USP40: variants seen among roughly 807,000 people sequenced by gnomAD.
USP40 encodes the protein ubiquitin carboxyl-terminal hydrolase 40.
USP40 carries 143 observed loss-of-function variants against 166.2 expected under a neutral mutation model. The observed-to-expected ratio is 0.86, with a 90% CI of 0.75 to 0.99. The LOEUF (loss-of-function observed/expected upper bound fraction) is 0.99, where lower values mean the gene tolerates loss of function less well. Ranked by LOEUF, USP40 falls within the 50% of genes least tolerant of loss-of-function variation. The pLI is 0.00. For missense variants in USP40, 1,444 were observed against 1,479.7 expected (o/e 0.98, Z 0.40); for synonymous variants, 498 against 524.0 (o/e 0.95, Z 0.68).
At chr2:233,498,228 A>G (rs182003105) in intron 23 of USP40, among the ~76,000 whole-genome samples, 1 of 152,136 alleles carries the variant, frequency 6.6e-6, no homozygotes, top group African/African-American at 2.4e-5. Context: ...AAAACTTCAG[A>G]GTGTATCTAT....
chr2:233,530,282 A>G (rs1186749951), intron 11 of USP40, among the ~76,000 whole-genome samples: 4 of 151,968 alleles, frequency 2.6e-5, no homozygotes, highest in Non-Finnish European at 1.5e-5. Context: ...TATTCAACAA[A>G]TCTATTTTCA....
rs1384188165 is a variant in USP40, at chr2:233,486,597, C to T, written c.3198-620G>A. Among the ~76,000 whole-genome samples, 2 of 152,158 alleles carry T rather than the reference C, an allele frequency of 1.3e-5. No homozygotes were observed. The highest frequency in any genetic ancestry group is 4.8e-5 in the African/African-American group (2 of 41,432). On this transcript the variant is annotated intron_variant, in intron 28 of 31. Coordinates refer to ENST00000678225, the MANE Select transcript of USP40 (RefSeq NM_001365479.2). This position sits in a 1 kb window ranked among gnomAD's most constrained non-coding sequence, Gnocchi z 4.0. Reference sequence around the variant, plus strand: ...ATGGAGGAAAAGCTATAGATAAGAACTGGAAGGCAGCAAGGGGAAATGAAG... The same window carrying T: ...ATGGAGGAAAAGCTATAGATAAGAATTGGAAGGCAGCAAGGGGAAATGAAG...
At chr2:233,559,003 C>A (rs975865980) in intron 4 of USP40, among the ~76,000 whole-genome samples, 1 of 152,194 alleles carries the variant, frequency 6.6e-6, no homozygotes, top group Non-Finnish European at 1.5e-5. Flanking sequence ...GGCAATATAA[C>A]AGTATTCCTA....
chr2:233,527,689 T>A (rs1214195615), intron 12 of USP40, 111 bp from the exon 13 acceptor site: 1 of 1,014,488 alleles, frequency 9.9e-7, no homozygotes, highest in Non-Finnish European at 1.4e-6. Flanking sequence ...CCCACCAAAG[T>A]AACAATTTTT....
At chr2:233,560,324 T>G (rs942657000) in intron 3 of USP40, among the ~76,000 whole-genome samples, 7 of 152,210 alleles carry the variant, frequency 4.6e-5, no homozygotes, top group Admixed American at 3.9e-4. Context: ...TCTGGAGTTC[T>G]CAGCACACCC....
At chr2:233,481,483 G>A (rs2064586894) in intron 30 of USP40, 186 bp from the exon 31 acceptor site, 2 of 598,576 alleles carry the variant, frequency 3.3e-6, no homozygotes, top group African/African-American at 3.7e-5. Context: ...GTGGCAAGAA[G>A]AGCTCCACAA....
At chr2:233,509,178 GAAA>G (rs1192322806) in intron 21 of USP40, among the ~76,000 whole-genome samples, 1 of 151,892 alleles carries the variant, frequency 6.6e-6, no homozygotes, top group Non-Finnish European at 1.5e-5. Context: ...GACAGAGCTG[GAAA>G]AAAAATTTTT....
chr2:233,518,566 C>CAAAAA (rs61393952), intron 18 of USP40, among the ~76,000 whole-genome samples: 2 of 77,826 alleles, frequency 2.6e-5, no homozygotes, highest in Non-Finnish European at 5.2e-5. Context: ...GACTCTGTCT[C>CAAAAA]AAAAAAAAAA....
chr2:233,565,903 C>A (rs1341880010), intron 1 of USP40, among the ~76,000 whole-genome samples: 1 of 152,184 alleles, frequency 6.6e-6, no homozygotes, highest in African/African-American at 2.4e-5. Flanking sequence ...TAAGTAACAG[C>A]TGTTTTTAAA....
intron 8 of USP40, among the ~76,000 whole-genome samples, chr2:233,544,766 C>T (rs908607696): frequency 6.6e-6 from 1 of 152,112 alleles, no homozygotes; most frequent in Non-Finnish European, 1.5e-5. Flanking sequence ...TTCAATATAA[C>T]CACGACCTAG....
intron 10 of USP40, among the ~76,000 whole-genome samples, chr2:233,535,805 A>G (rs2068894003): frequency 1.3e-5 from 2 of 152,198 alleles, no homozygotes. Context: ...AATGGTAGGA[A>G]TAAGTTGTTT....
chr2:233,533,660 G>C lies in USP40; in HGVS notation c.1290C>G (p.Phe430Leu). 2 of 1,613,786 alleles carry C rather than the reference G, an allele frequency of 1.2e-6. No individual in the cohort carries two copies. Among genetic ancestry groups the C allele is most frequent in the Admixed American group, 1.7e-5 (1 of 59,992 alleles). Residue 430 changes from phenylalanine to leucine, a missense_variant, in exon 11 of 32, where the codon TTC becomes TTG. Phe to Leu is a conservative substitution (Grantham distance 22). Transcript: ENST00000678225. ...CTGGGGATTCTGGAGGAAGCATCTT[G>C]AAAATTTGCTGGTCATTCCTTTGGA... ...SDFQRNDQQI[F>L]KMLPPESPGL...
At chr2:233,549,420 A>G (rs189939847) in intron 7 of USP40, among the ~76,000 whole-genome samples, 191 bp from the exon 8 acceptor site, 32 of 152,244 alleles carry the variant, frequency 2.1e-4, no homozygotes, top group Non-Finnish European at 4.3e-4. Flanking sequence ...GGCCAGTCAC[A>G]CTACACCAAT....
At chr2:233,540,598 T>C (rs1159811718) in intron 10 of USP40, 64 bp downstream of exon 10, 3 of 977,572 alleles carry the variant, frequency 3.1e-6, no homozygotes, top group Non-Finnish European at 3.1e-6. Context: ...AAGGAATTCA[T>C]GTTGTTGCGA....
Position 233,477,446 on chromosome 2 carries a change from G to A in USP40, c.3657C>T (p.Ala1219=), listed in dbSNP as rs781763617. Residue 1219 remains alanine, a synonymous_variant, in exon 32 of 32, where the codon GCC becomes GCT. Coordinates refer to ENST00000678225, the MANE Select transcript of USP40 (RefSeq NM_001365479.2). ...SYILSSAETP[A]RPRAPETSLS... ...GAGAAGTTTCCGGGGCTCGGGGCCG[G>A]GCAGGCGTCTCTGCACTGGAGAGGA... 8 of 1,613,714 alleles carry A rather than the reference G, an allele frequency of 5.0e-6. No individual in the cohort carries two copies. The Admixed American group carries it at 1.3e-4, about 27-fold the overall frequency.
At chr2:233,482,887 T>C (rs1219612080) in intron 30 of USP40, among the ~76,000 whole-genome samples, 2 of 152,220 alleles carry the variant, frequency 1.3e-5, no homozygotes, top group African/African-American at 4.8e-5. Flanking sequence ...CCTGCTGGAT[T>C]CTGCAGCTCC....
At chr2:233,560,825 T>G in intron 3 of USP40, 1 of 521,258 alleles carries the variant, frequency 1.9e-6, no homozygotes, top group Non-Finnish European at 3.4e-6. Context: ...GGTGGAGAGG[T>G]CGGTATTGTT....
chr2:233,566,180 G>A (rs1054246226), intron 1 of USP40, among the ~76,000 whole-genome samples: 16 of 151,934 alleles, frequency 1.1e-4, no homozygotes, highest in Admixed American at 2.0e-4. Context: ...GGGAGCGGAG[G>A]GCGGGGAAGA....
Position 233,520,978 on chromosome 2 carries a change from A to T in USP40, c.2325+13T>A. 6.2e-7 allele frequency: 1 copy of T among 1,604,240 alleles called. No individual in the cohort carries two copies. The highest frequency in any genetic ancestry group is 8.5e-7 in the Non-Finnish European group (1 of 1,176,538). On this transcript the variant is annotated intron_variant, in intron 17 of 31. Coordinates refer to ENST00000678225, the MANE Select transcript of USP40 (RefSeq NM_001365479.2). ...AAAATCTATCAGCCAACCTTTAATT[A>T]TATTCTACTCACTGTGTTAACAGTT...
Sources: allele counts gnomAD v4.1 joint callset (sites outside exome capture counted in the v4.1 genomes callset), GRCh38; gene constraint gnomAD v4.1.1; non-coding constraint Gnocchi (gnomAD v3.1); transcripts MANE v1.5; gene names NCBI Gene and HGNC (gene_info 2026-07-23, HGNC 2026-07-21).